C3orf70: variants seen among roughly 807,000 people sequenced by gnomAD.
C3orf70 encodes the protein UPF0524 protein C3orf70.
Under a neutral mutation model 20.7 loss-of-function variants are expected in C3orf70, and 15 were observed. The observed-to-expected ratio is 0.72, with a 90% CI of 0.48 to 1.11. The LOEUF is 1.11. C3orf70 is among the 50% of genes most tolerant of loss of function. The probability of loss-of-function intolerance (pLI) is 0.00; values close to 1 mark genes in which losing one functional copy is unlikely to be tolerated. For missense variants in C3orf70, 332 were observed against 317.6 expected, an observed-to-expected ratio of 1.05 and a Z score of -0.34; for synonymous variants, 161 against 125.7, an observed-to-expected ratio of 1.28 and a Z score of -1.88.
intron 1 of C3orf70, among the ~76,000 whole-genome samples, chr3:185,111,727 C>A (rs1263997859): frequency 6.6e-6 from 1 of 152,082 alleles, no homozygotes; most frequent in Non-Finnish European, 1.5e-5. Flanking sequence ...AGGTGCAAGT[C>A]CAGTCAGTAA....
intron 1 of C3orf70, among the ~76,000 whole-genome samples, chr3:185,142,255 T>A (rs1283302428): frequency 6.6e-6 from 1 of 152,056 alleles, no homozygotes; most frequent in Non-Finnish European, 1.5e-5. Flanking sequence ...CTCACACGTT[T>A]GAGATCAGCC....
chr3:185,115,560 T>G (rs1280037323), intron 1 of C3orf70, among the ~76,000 whole-genome samples: 1 of 152,108 alleles, frequency 6.6e-6, no homozygotes, highest in East Asian at 1.9e-4. Flanking sequence ...CTGGCAAATT[T>G]GGAAAAAAAC....
chr3:185,122,999 AAAAAAG>A (rs1716333821), intron 1 of C3orf70, among the ~76,000 whole-genome samples: 1 of 151,484 alleles, frequency 6.6e-6, no homozygotes, highest in Non-Finnish European at 1.5e-5. Context: ...CTACTAAAAA[AAAAAAG>A]AAAAAGAAAA....
intron 1 of C3orf70, among the ~76,000 whole-genome samples, chr3:185,125,605 C>T (rs780739867): frequency 1.1e-4 from 17 of 152,144 alleles, no homozygotes; most frequent in Admixed American, 5.2e-4. Context: ...TCCAAATATC[C>T]ACCAGCTGAT....
intron 1 of C3orf70, among the ~76,000 whole-genome samples, chr3:185,088,593 C>A (rs1715504569): frequency 6.6e-6 from 1 of 152,008 alleles, no homozygotes; most frequent in Non-Finnish European, 1.5e-5. Flanking sequence ...ATGACACACC[C>A]TTTTTTGGTG....
chr3:185,097,084 A>G (rs2108591112), intron 1 of C3orf70, among the ~76,000 whole-genome samples: 2 of 152,162 alleles, frequency 1.3e-5, no homozygotes, highest in East Asian at 3.9e-4. Flanking sequence ...CTTCCTCCCC[A>G]TTTAATCCAC....
intron 1 of C3orf70, among the ~76,000 whole-genome samples, chr3:185,111,428 T>C (rs565069962): frequency 1.3e-5 from 2 of 152,236 alleles, no homozygotes; most frequent in East Asian, 1.9e-4. Flanking sequence ...TCAAAAGGAT[T>C]TGAATAGATA....
chr3:185,112,314 G>A (rs6764346), intron 1 of C3orf70, among the ~76,000 whole-genome samples: 4,637 of 152,132 alleles, frequency 0.03, 85 homozygotes, highest in East Asian at 0.094. Context: ...GAAGTCACTC[G>A]TGGCCCATTT....
intron 1 of C3orf70, among the ~76,000 whole-genome samples, chr3:185,126,739 C>T (rs1051521340): frequency 8.5e-5 from 13 of 152,084 alleles, no homozygotes; most frequent in Admixed American, 5.2e-4. Context: ...TAGTGCAAAA[C>T]GAAAATGCTG....
intron 1 of C3orf70, among the ~76,000 whole-genome samples, chr3:185,096,900 C>G (rs1715720015): frequency 6.6e-6 from 1 of 152,184 alleles, no homozygotes; most frequent in South Asian, 2.1e-4. Flanking sequence ...CAACTGCAGA[C>G]CAGTACAACC....
chr3:185,140,878 G>T (rs542656160), intron 1 of C3orf70, among the ~76,000 whole-genome samples: 1 of 150,424 alleles, frequency 6.6e-6, no homozygotes, highest in African/African-American at 2.4e-5. Context: ...TGAGGCAGGA[G>T]AATCGCTTGA....
chr3:185,099,086 T>C (rs1393269708), intron 1 of C3orf70, among the ~76,000 whole-genome samples: 1 of 152,230 alleles, frequency 6.6e-6, no homozygotes, highest in Non-Finnish European at 1.5e-5. Flanking sequence ...GCCATAACAC[T>C]ATAATCCAAT....
chr3:185,120,033 A>AAAAAAAAAAAAAAAAAAGAAAAAGAAAG (rs55921240), intron 1 of C3orf70, among the ~76,000 whole-genome samples: 68 of 100,722 alleles, frequency 6.8e-4, no homozygotes, highest in Middle Eastern at 6.0e-3. Context: ...AAAAAAAAAA[A>AAAAAAAAAAAAAAAAAAGAAAAAGAAAG]AAAAAGAAAA....
rs532252534 is a variant in C3orf70 at position 185,088,955 on chromosome 3, C to G, written c.197-5392G>C. ...GGATGAAATCACATCTTGTCAGACC[C>G]AAACAAACTTAAGCCAGCAGAGCCT... On this transcript the variant is annotated intron_variant, in intron 1 of 1. Transcript: ENST00000335012. 3.9e-5 allele frequency among the ~76,000 whole-genome samples: 6 copies of G among 152,254 alleles called. 1 individual carries two copies. The highest frequency in any genetic ancestry group is 1.4e-4 in the African/African-American group (6 of 41,550).
At chr3:185,133,586 C>T (rs1294650672) in intron 1 of C3orf70, among the ~76,000 whole-genome samples, 1 of 151,654 alleles carries the variant, frequency 6.6e-6, no homozygotes, top group East Asian at 1.9e-4. Flanking sequence ...CTACCAAAAA[C>T]ACAAAAAAAT....
chr3:185,106,912 C>T (rs1225090893), intron 1 of C3orf70, among the ~76,000 whole-genome samples: 6 of 152,218 alleles, frequency 3.9e-5, no homozygotes, highest in Non-Finnish European at 8.8e-5. Flanking sequence ...GTTACATCTA[C>T]TTCTGTTCCC....
At chr3:185,106,963 T>C (rs895091855) in intron 1 of C3orf70, among the ~76,000 whole-genome samples, 2 of 152,212 alleles carry the variant, frequency 1.3e-5, no homozygotes, top group African/African-American at 2.4e-5. Flanking sequence ...CAGCTCCTGA[T>C]TGTGCCGTAT....
intron 1 of C3orf70, among the ~76,000 whole-genome samples, chr3:185,131,655 T>A (rs2108602624): frequency 6.6e-6 from 1 of 152,314 alleles, no homozygotes; most frequent in Non-Finnish European, 1.5e-5. Flanking sequence ...TATTCCTCAC[T>A]ACATTGATGA....
At chr3:185,116,806 T>C (rs1170647621) in intron 1 of C3orf70, among the ~76,000 whole-genome samples, 1 of 149,030 alleles carries the variant, frequency 6.7e-6, no homozygotes, top group Non-Finnish European at 1.5e-5. Flanking sequence ...TGAGACGGAG[T>C]CTTGCTCAGT....
Sources: gnomAD v4.1 joint callset for allele counts (sites outside exome capture counted in the v4.1 genomes callset) on GRCh38, gnomAD v4.1.1 for gene constraint, MANE v1.5 for transcripts, NCBI Gene and HGNC (gene_info 2026-07-23, HGNC 2026-07-21) for gene names.